The following KCTD18 variants were observed in gnomAD, a reference collection of about 807,000 sequenced individuals.
KCTD18 encodes the protein BTB/POZ domain-containing protein KCTD18.
Under a neutral mutation model 30.4 loss-of-function variants are expected in KCTD18, and 22 were observed. The ratio of observed to expected loss-of-function variants is 0.72; its 90% CI spans 0.52 to 1.03. KCTD18 has a LOEUF of 1.03. Ranked by LOEUF, KCTD18 falls within the 50% of genes least tolerant of loss-of-function variation. The probability of loss-of-function intolerance (pLI) is 0.00; values close to 1 mark genes in which losing one functional copy is unlikely to be tolerated. For missense variants in KCTD18, 529 were observed against 547.6 expected, an observed-to-expected ratio of 0.97 and a Z score of 0.34; for synonymous variants, 186 against 209.0, an observed-to-expected ratio of 0.89 and a Z score of 0.95.
chr2:200,499,288 CA>C (rs1207891174), intron 3 of KCTD18, among the ~76,000 whole-genome samples: 2 of 152,026 alleles, frequency 1.3e-5, no homozygotes, highest in African/African-American at 4.8e-5. Flanking sequence ...AGGACAATCA[CA>C]AAAAATACCC....
intron 6 of KCTD18, among the ~76,000 whole-genome samples, chr2:200,492,588 A>G (rs2087935926): frequency 6.6e-6 from 1 of 152,252 alleles, no homozygotes; most frequent in Admixed American, 6.5e-5. Context: ...TAAATTGTAG[A>G]ACATGTGATC....
At chr2:200,492,411 C>A (rs2087933218) in intron 6 of KCTD18, among the ~76,000 whole-genome samples, 1 of 152,080 alleles carries the variant, frequency 6.6e-6, no homozygotes, top group Non-Finnish European at 1.5e-5. Context: ...ACTGTAGGCT[C>A]AAAAGGTAAA....
chr2:200,508,511 G>A (rs574220374), intron 1 of KCTD18, among the ~76,000 whole-genome samples: 7 of 152,294 alleles, frequency 4.6e-5, no homozygotes, highest in Admixed American at 1.3e-4. Context: ...CCCAATTATT[G>A]AGAATCTGCA....
chr2:200,503,539 A>G (rs2029986818), intron 3 of KCTD18, among the ~76,000 whole-genome samples: 1 of 152,208 alleles, frequency 6.6e-6, no homozygotes, highest in African/African-American at 2.4e-5. Context: ...GGAATAAAAG[A>G]TTACAGAGCT....
At chr2:200,505,555 C>T (rs1197638674) in intron 2 of KCTD18, among the ~76,000 whole-genome samples, 1 of 152,200 alleles carries the variant, frequency 6.6e-6, no homozygotes, top group Admixed American at 6.5e-5. Context: ...ATGGCCACTG[C>T]AAAAGCTAAG....
chr2:200,497,632 C>G, intron 5 of KCTD18, 121 bp downstream of exon 5: 3 of 731,384 alleles, frequency 4.1e-6, no homozygotes, highest in Non-Finnish European at 7.2e-6. Flanking sequence ...CATGAGATGA[C>G]AAATACATTG....
rs777866408 is a variant in KCTD18, at chr2:200,490,605, G to A, written c.776C>T (p.Thr259Met). 1 of 1,585,354 alleles carries A rather than the reference G, an allele frequency of 6.3e-7. No individual in the cohort carries two copies. Among genetic ancestry groups the A allele is most frequent in the Non-Finnish European group, 8.5e-7 (1 of 1,170,556 alleles). Residue 259 changes from threonine (T) to methionine (M), a missense_variant, in exon 7 of 7, where the codon ACG becomes ATG. By Grantham distance (81) the Thr-to-Met change is moderately conservative (BLOSUM62 -1). Transcript: ENST00000359878. ...MAPIRKRRLITFNEADESVNY... is the reference protein window; with the variant it reads ...MAPIRKRRLIMFNEADESVNY... ...CACACTTTCGTCCGCTTCATTGAAC[G>A]TTATCAGTCGCCTAGAAATACAGAA...
At position 200,489,913 on chromosome 2, in the gene KCTD18, G is replaced by C. The variant is rs376002575; in HGVS notation, c.*187C>G. Reference sequence around the variant, plus strand: ...ACAATCATATAAAAGTTGGGAAAATGAGAAATGGAGCCTTAACCATTGAAA... The same window carrying C: ...ACAATCATATAAAAGTTGGGAAAATCAGAAATGGAGCCTTAACCATTGAAA... On this transcript the variant is annotated 3_prime_UTR_variant, in exon 7 of 7. Transcript: ENST00000359878. The C allele has an allele frequency of 3.3e-5, 19 of 576,034 alleles. No homozygotes were observed. In the East Asian group the frequency reaches 5.3e-4, roughly 16 times the overall value. The allele number at this position is 576,034 out of a possible 1,614,324, so 35.7% of individuals were successfully genotyped here. A position where few individuals can be genotyped will look rare whatever the true frequency, so the allele number is the denominator to read the frequency against.
In KCTD18 at chr2:200,490,202, G is replaced by C; in HGVS notation, c.1179C>G (p.Ser393=). Residue 393 remains serine, a synonymous_variant, in exon 7 of 7, where the codon TCC becomes TCG. Coordinates refer to ENST00000359878, the MANE Select transcript of KCTD18 (RefSeq NM_152387.4). The stretch of plus-strand genomic sequence containing the variant: ...AGTTGGCCTGCCTCGTGGCCGTGGG[G>C]GAGGGCAGGCAAGGCGCGGTGGCGC... ...PLCATAPCLP[S]PTATRQANSL... is the part of the protein sequence containing the mutation. 4 of 1,614,088 alleles carry C rather than the reference G, an allele frequency of 2.5e-6. No individual in the cohort carries two copies. The South Asian group carries it at 4.4e-5, about 18-fold the overall frequency.
At chr2:200,506,098 C>G (rs564112325) in intron 2 of KCTD18, among the ~76,000 whole-genome samples, 6 of 152,212 alleles carry the variant, frequency 3.9e-5, no homozygotes, top group African/African-American at 1.4e-4. Context: ...CTCCTAACAC[C>G]AGAGTTATTA....
At chr2:200,498,085 C>T (rs1168941711) in intron 4 of KCTD18, among the ~76,000 whole-genome samples, 3 of 151,950 alleles carry the variant, frequency 2.0e-5, no homozygotes, top group Non-Finnish European at 1.5e-5. Context: ...TTATTAATTC[C>T]ACAATATGCA....
At chr2:200,504,601 GAGA>G in intron 3 of KCTD18, 144 bp downstream of exon 3, 4 of 626,902 alleles carry the variant, frequency 6.4e-6, no homozygotes, top group Non-Finnish European at 5.3e-6. Flanking sequence ...CTTAAAAAAT[GAGA>G]AGTAGTAGTA....
At chr2:200,502,565 C>T (rs1268953581) in intron 3 of KCTD18, among the ~76,000 whole-genome samples, 1 of 152,244 alleles carries the variant, frequency 6.6e-6, no homozygotes, top group Non-Finnish European at 1.5e-5. Flanking sequence ...TCATTTGGCA[C>T]TTATCAACCT....
At position 200,498,821 on chromosome 2, in the gene KCTD18, A is replaced by G. The variant is rs932250177; in HGVS notation, c.566+70T>C. ...GGTCTTTTCTAGTCAAGCACATTTCATTCAGAAACACCTCTTAAAAGAGAC... is the reference window on the plus strand; with the variant it reads ...GGTCTTTTCTAGTCAAGCACATTTCGTTCAGAAACACCTCTTAAAAGAGAC... On this transcript the variant is annotated intron_variant, in intron 4 of 6. Coordinates refer to ENST00000359878, the MANE Select transcript of KCTD18 (RefSeq NM_152387.4). The G allele has an allele frequency of 7.3e-6, 10 of 1,375,556 alleles. No individual in the cohort carries two copies. The African/African-American group carries it at 1.4e-4, about 20-fold the overall frequency. 85.2% of individuals were successfully genotyped at this position (1,375,556 alleles called of 1,614,324 possible).
intron 5 of KCTD18, among the ~76,000 whole-genome samples, chr2:200,494,230 A>T (rs1229184903): frequency 6.6e-6 from 1 of 152,178 alleles, no homozygotes; most frequent in Non-Finnish European, 1.5e-5. Flanking sequence ...GTGGGGAGTG[A>T]CCGCTTAGGG....
At position 200,497,780 on chromosome 2, in the gene KCTD18, C is replaced by G; in HGVS notation, c.634G>C (p.Asp212His). The change falls in exon 5 of 7, where the codon GAT (aspartate) becomes CAT (histidine). Residue 212 changes from aspartate to histidine, a missense_variant. By Grantham distance (81) the Asp-to-His change is moderately conservative. Coordinates refer to ENST00000359878, the MANE Select transcript of KCTD18 (RefSeq NM_152387.4). Reference protein sequence around the residue: ...YSVAELKKMMDAFDAWEGKGV... With the variant: ...YSVAELKKMMHAFDAWEGKGV... Reference sequence around the variant, plus strand: ...TTTCCTTCCCAAGCATCAAAGGCATCCATCATTTTCTTCAACTCTGCTACT... The same window carrying G: ...TTTCCTTCCCAAGCATCAAAGGCATGCATCATTTTCTTCAACTCTGCTACT... The G allele has an allele frequency of 6.2e-7, 1 of 1,611,662 alleles. No individual in the cohort carries two copies. Among genetic ancestry groups the G allele is most frequent in the Non-Finnish European group, 8.5e-7 (1 of 1,178,278 alleles).
intron 5 of KCTD18, chr2:200,495,927 G>C (rs898795681): frequency 6.6e-6 from 1 of 152,048 alleles, no homozygotes; most frequent in African/African-American, 2.4e-5. Context: ...CACTAAGCAT[G>C]TGGGAGTTAT....
At chr2:200,491,720 A>G (rs2106275643) in intron 6 of KCTD18, among the ~76,000 whole-genome samples, 1 of 152,192 alleles carries the variant, frequency 6.6e-6, no homozygotes, top group African/African-American at 2.4e-5. Context: ...CATTGTCAAA[A>G]CCTTGCCTGC....
At chr2:200,501,341 G>C (rs555920744) in intron 3 of KCTD18, among the ~76,000 whole-genome samples, 1 of 113,988 alleles carries the variant, frequency 8.8e-6, no homozygotes, top group Non-Finnish European at 1.9e-5. Context: ...CCATCAGAGT[G>C]AACAGGCAAC....
Sources: gnomAD v4.1 joint callset for allele counts (sites outside exome capture counted in the v4.1 genomes callset) on GRCh38, gnomAD v4.1.1 for gene constraint, MANE v1.5 for transcripts, NCBI Gene and HGNC (gene_info 2026-07-23, HGNC 2026-07-21) for gene names.